Variants in ELMO1 observed in about 807,000 individuals in gnomAD.
ELMO1 encodes engulfment and cell motility protein 1.
Under a neutral mutation model 98.9 loss-of-function variants are expected in ELMO1, and 26 were observed. That is an observed-to-expected ratio of 0.26 (90% CI 0.19 to 0.36). The LOEUF is 0.36. ELMO1 is among the 10% of genes least tolerant of loss of function. The pLI, the probability that ELMO1 is intolerant of heterozygous loss-of-function variation, is 1.00. For missense variants in ELMO1, 627 were observed against 935.2 expected (o/e 0.67, Z 4.30); for synonymous variants, 346 against 346.0 (o/e 1.00, Z 0.00).
chr7:37,077,786 T>C (rs1195638521), intron 15 of ELMO1, among the ~76,000 whole-genome samples: 1 of 152,080 alleles, frequency 6.6e-6, no homozygotes, highest in Non-Finnish European at 1.5e-5. Context: ...GAGGAGCTAG[T>C]GCATTTTCAC....
chr7:37,301,825 C>T (rs1217843718), intron 4 of ELMO1, among the ~76,000 whole-genome samples: 1 of 152,106 alleles, frequency 6.6e-6, no homozygotes. Context: ...CCCCACCCCA[C>T]GTTTAAAAGA....
chr7:37,397,649 G>A (rs1015016848), intron 1 of ELMO1, among the ~76,000 whole-genome samples: 2 of 152,026 alleles, frequency 1.3e-5, no homozygotes, highest in African/African-American at 2.4e-5. Context: ...CCCATTACTG[G>A]GTATATACCC....
At chr7:37,249,491 T>C (rs2717958) in intron 6 of ELMO1, among the ~76,000 whole-genome samples, 152,329 of 152,342 alleles carry the variant, frequency 1, 76,158 homozygotes, top group Middle Eastern at 1. Flanking sequence ...ATGACCTCAA[T>C]GAAACAAATA....
At chr7:37,025,275 T>C (rs1794502358) in intron 15 of ELMO1, among the ~76,000 whole-genome samples, 1 of 152,206 alleles carries the variant, frequency 6.6e-6, no homozygotes, top group Non-Finnish European at 1.5e-5. Flanking sequence ...AAGTTTGTGA[T>C]GTGAATTAGC....
chr7:36,958,022 G>A (rs1007921153), intron 16 of ELMO1, among the ~76,000 whole-genome samples: 1 of 152,114 alleles, frequency 6.6e-6, no homozygotes, highest in African/African-American at 2.4e-5. Context: ...CCACAATGCT[G>A]GCTCCAATCA....
At chr7:37,351,628 T>C (rs750790013) in intron 1 of ELMO1, among the ~76,000 whole-genome samples, 1 of 152,220 alleles carries the variant, frequency 6.6e-6, no homozygotes, top group Non-Finnish European at 1.5e-5. Context: ...CCTAACATCC[T>C]TCCTAGATAG....
intron 4 of ELMO1, among the ~76,000 whole-genome samples, chr7:37,292,725 C>CGGGA: frequency 1.1e-5 from 1 of 91,914 alleles, no homozygotes; most frequent in Admixed American, 1.0e-4. Context: ...CCGCCCCGTC[C>CGGGA]GGGAGGGAGG....
intron 1 of ELMO1, among the ~76,000 whole-genome samples, chr7:37,413,065 C>T (rs999441061): frequency 6.6e-6 from 1 of 152,152 alleles, no homozygotes; most frequent in Non-Finnish European, 1.5e-5. Context: ...GGTCAAGCCA[C>T]TAAGTTTTGT....
intron 14 of ELMO1, among the ~76,000 whole-genome samples, chr7:37,100,071 G>C (rs897512283): frequency 2.0e-5 from 3 of 152,086 alleles, no homozygotes; most frequent in Non-Finnish European, 4.4e-5. Context: ...CAGACCTCAG[G>C]TGATCCCTCT....
In ELMO1 at chr7:36,853,495, G is replaced by A. The variant is rs1004102155; in HGVS notation, c.*2056C>T. Among the ~76,000 whole-genome samples, 1 of 152,150 alleles carries A rather than the reference G, an allele frequency of 6.6e-6. No individual in the cohort carries two copies. Among genetic ancestry groups the A allele is most frequent in the African/African-American group, 2.4e-5 (1 of 41,442 alleles). ...CACTTACTGTTTTATCATGATGATG[G>A]GTAGATTAATAACTGCTCCTGATAG... On this transcript the variant is annotated 3_prime_UTR_variant, in exon 22 of 22. Coordinates refer to ENST00000310758, the MANE Select transcript of ELMO1 (RefSeq NM_014800.11).
At chr7:37,071,646 G>A (rs1797274927) in intron 15 of ELMO1, among the ~76,000 whole-genome samples, 1 of 151,928 alleles carries the variant, frequency 6.6e-6, no homozygotes, top group Non-Finnish European at 1.5e-5. Context: ...AACAAGTAAG[G>A]AAGACAATAC....
At chr7:37,199,298 C>G (rs1339909166) in intron 13 of ELMO1, among the ~76,000 whole-genome samples, 2 of 152,062 alleles carry the variant, frequency 1.3e-5, no homozygotes, top group Non-Finnish European at 2.9e-5. Flanking sequence ...TAAAATTTTT[C>G]CCTTAAAATA....
chr7:37,267,034 TATATAC>T lies in ELMO1; in HGVS notation c.243+4792_243+4797del, dbSNP rs1481478048. On this transcript the variant is annotated intron_variant, in intron 5 of 21. Coordinates refer to ENST00000310758, the MANE Select transcript of ELMO1 (RefSeq NM_014800.11). ...TCTAAAAAAAAAAAAAAAATATGTA[TATATAC>T]ACACACACACACACACACACACACA... 2.8e-3 allele frequency among the ~76,000 whole-genome samples: 238 copies of T among 85,418 alleles called. 18 individuals are homozygous for T. Among genetic ancestry groups the T allele is most frequent in the South Asian group, 2.7e-3 (6 of 2,234 alleles). The allele number at this position is 85,418 out of a possible 152,430, so 56.0% of individuals were successfully genotyped here.
chr7:37,118,492 T>C (rs144924864), intron 14 of ELMO1, among the ~76,000 whole-genome samples: 3 of 152,298 alleles, frequency 2.0e-5, no homozygotes, highest in East Asian at 1.9e-4. Context: ...CAACCAAAGA[T>C]GAAATGCCTG....
Position 36,870,345 on chromosome 7 carries a change from G to A in ELMO1, c.1905+48C>T, listed in dbSNP as rs763013725. On this transcript the variant is annotated intron_variant, in intron 20 of 21. Coordinates refer to ENST00000310758, the MANE Select transcript of ELMO1 (RefSeq NM_014800.11). The surrounding 1 kb of genome is among the most constrained non-coding windows in gnomAD (Gnocchi z 4.4). ...GAGGGCTAGGCTGGCTGCAGTTGCC[G>A]ACCGCACTGGGCAAATAGAGCTATT... 31 of 1,587,710 alleles carry A rather than the reference G, an allele frequency of 2.0e-5. No individual in the cohort carries two copies. Among genetic ancestry groups the A allele is most frequent in the South Asian group, 1.8e-4 (16 of 90,150 alleles).
chr7:37,287,054 G>T (rs953752048), intron 4 of ELMO1, among the ~76,000 whole-genome samples: 1 of 151,980 alleles, frequency 6.6e-6, no homozygotes, highest in Admixed American at 6.6e-5. Flanking sequence ...TTAGCCAGGC[G>T]TGGTGGCATA....
At chr7:36,859,226 G>A (rs1802425502) in intron 21 of ELMO1, among the ~76,000 whole-genome samples, 1 of 152,092 alleles carries the variant, frequency 6.6e-6, no homozygotes, top group Non-Finnish European at 1.5e-5. Flanking sequence ...ACACAAATGA[G>A]ACAATTAGAG....
In ELMO1 at chr7:36,954,427, C is replaced by T. The variant is rs561751545; in HGVS notation, c.1437+58872G>A. On this transcript the variant is annotated intron_variant, in intron 16 of 21. Transcript: ENST00000310758. ...GGAAGGCTGTCAGCCTGATTCCCAC[C>T]CAGGGGCACTGCTGACAAATGAATG... 1.1e-4 allele frequency among the ~76,000 whole-genome samples: 17 copies of T among 152,174 alleles called. No homozygotes were observed. In the South Asian group the frequency reaches 3.5e-3, roughly 32 times the overall value.
At chr7:37,185,136 T>C (rs1791123141) in intron 13 of ELMO1, among the ~76,000 whole-genome samples, 1 of 152,220 alleles carries the variant, frequency 6.6e-6, no homozygotes, top group African/African-American at 2.4e-5. Context: ...TCAAATATGA[T>C]AGCCTAAATG....
Sources: gnomAD v4.1 joint callset for allele counts (sites outside exome capture counted in the v4.1 genomes callset) on GRCh38, gnomAD v4.1.1 for gene constraint, Gnocchi (gnomAD v3.1) non-coding constraint, MANE v1.5 for transcripts, NCBI Gene and HGNC (gene_info 2026-07-23, HGNC 2026-07-21) for gene names.